The following FGD4 variants were observed in gnomAD, a reference collection of about 807,000 sequenced individuals.
The protein encoded by FGD4 is FYVE, RhoGEF and PH domain-containing protein 4.
A neutral mutation model predicts 102.0 loss-of-function variants in FGD4; 42 were observed. That is an observed-to-expected ratio of 0.41 (90% CI 0.32 to 0.53). The LOEUF is 0.53. Among genes scored for constraint, FGD4 ranks in the 20% least tolerant of loss-of-function variants. The pLI, the probability that FGD4 is intolerant of heterozygous loss-of-function variation, is 0.21. For missense variants in FGD4, 902 were observed against 1,078.2 expected, an observed-to-expected ratio of 0.84 and a Z score of 2.29; for synonymous variants, 380 against 375.7, an observed-to-expected ratio of 1.01 and a Z score of -0.13.
At chr12:32,442,710 C>CCACACCCAGCTAATTTTTT (rs1183598250) in intron 1 of FGD4, among the ~76,000 whole-genome samples, 1 of 152,038 alleles carries the variant, frequency 6.6e-6, no homozygotes, top group African/African-American at 2.4e-5. Context: ...AGGCACACCA[C>CCACACCCAGCTAATTTTTT]CACACCCAGC....
intron 16 of FGD4, 43 bp downstream of exon 16, chr12:32,638,838 G>T: frequency 6.2e-7 from 1 of 1,613,084 alleles, no homozygotes; most frequent in East Asian, 2.2e-5. Flanking sequence ...TGCCCTTGGG[G>T]GCAAGGGGAA....
Position 32,638,640 on chromosome 12 carries a change from A to G in FGD4, c.2314-15A>G, listed in dbSNP as rs1383781540. ...TGTTGTGTGTTCATTCTGTCTTTCCATTATATTTTTCTAGATTGAATCAGC... is the reference window on the plus strand; with the variant it reads ...TGTTGTGTGTTCATTCTGTCTTTCCGTTATATTTTTCTAGATTGAATCAGC... On this transcript the variant is annotated splice_polypyrimidine_tract_variant and intron_variant, in intron 15 of 16. Transcript: ENST00000534526. 6.2e-7 allele frequency: 1 copy of G among 1,614,042 alleles called. No homozygotes were observed. The highest frequency in any genetic ancestry group is 1.3e-5 in the African/African-American group (1 of 75,028).
chr12:32,477,580 T>C (rs1016877832), intron 1 of FGD4: 1 of 152,218 alleles, frequency 6.6e-6, no homozygotes, highest in African/African-American at 2.4e-5. Flanking sequence ...TCAAAGTTTG[T>C]GTGTGACAGG....
In FGD4 at chr12:32,415,969, GGCAACA is replaced by G. The variant is rs559522065; in HGVS notation, c.166+16013_166+16018del. Among the ~76,000 whole-genome samples the G allele has an allele frequency of 2.1e-3, 323 of 151,782 alleles. 3 individuals carry two copies. Among genetic ancestry groups the G allele is most frequent in the Non-Finnish European group, 3.3e-3 (222 of 67,954 alleles). On this transcript the variant is annotated intron_variant, in intron 1 of 16. Coordinates refer to ENST00000534526, the MANE Select transcript of FGD4 (RefSeq NM_001370298.3). ...TTATAAATGAAGTGTGTTTCTTTTA[GGCAACA>G]GCTCATTGGGCCTTGCATTTTTATC... is the stretch of plus-strand genomic sequence containing the variant.
At chr12:32,622,495 CT>C (rs1949904355) in intron 11 of FGD4, among the ~76,000 whole-genome samples, 1 of 152,194 alleles carries the variant, frequency 6.6e-6, no homozygotes, top group Non-Finnish European at 1.5e-5. Flanking sequence ...GTTATTCTGT[CT>C]AAAATTTCTT....
At chr12:32,579,037 T>TG (rs1189358419) in intron 3 of FGD4, among the ~76,000 whole-genome samples, 8 of 127,444 alleles carry the variant, frequency 6.3e-5, no homozygotes, top group South Asian at 2.5e-4. Context: ...TGAACATTAG[T>TG]GGTTTTTTTT....
At position 32,625,036 on chromosome 12, in the gene FGD4, G is replaced by T; in HGVS notation, c.2014G>T (p.Ala672Ser). The T allele has an allele frequency of 6.2e-7, 1 of 1,613,102 alleles. No homozygotes were observed. The highest frequency in any genetic ancestry group is 1.7e-4 in the Middle Eastern group (1 of 6,056). ...QRHETFRNAI[A>S]KDNDIHSEVS... Reference sequence around the variant, plus strand: ...GCATGAAACCTTCAGAAATGCAATTGCAAAGGATAATGACATTCACTCAGA... The same window carrying T: ...GCATGAAACCTTCAGAAATGCAATTTCAAAGGATAATGACATTCACTCAGA... Residue 672 changes from alanine (A) to serine (S), a missense_variant, in exon 13 of 17, where the codon GCA (alanine) becomes TCA (serine). Transcript: ENST00000534526.
chr12:32,514,597 G>A (rs1362350225), intron 1 of FGD4, among the ~76,000 whole-genome samples: 1 of 151,926 alleles, frequency 6.6e-6, no homozygotes, highest in Non-Finnish European at 1.5e-5. Context: ...CTGCAGCCTC[G>A]AACTTCTGGG....
chr12:32,624,812 A>G (rs1950052113), intron 12 of FGD4, 164 bp from the exon 13 acceptor site: 9 of 682,134 alleles, frequency 1.3e-5, no homozygotes, highest in Non-Finnish European at 2.1e-5. Context: ...CTCTGTGTAT[A>G]CAAATGTGCA....
At chr12:32,409,167 C>T (rs1037701934) in intron 1 of FGD4, among the ~76,000 whole-genome samples, 2 of 152,138 alleles carry the variant, frequency 1.3e-5, no homozygotes, top group Admixed American at 6.5e-5. Context: ...GCTACCAGTT[C>T]TTATCAGTTT....
intron 1 of FGD4, among the ~76,000 whole-genome samples, chr12:32,535,917 G>A (rs1228498010): frequency 6.6e-6 from 1 of 152,164 alleles, no homozygotes; most frequent in Non-Finnish European, 1.5e-5. Context: ...GCACCCTTTA[G>A]AGAGTGGCCA....
chr12:32,602,233 G>C lies in FGD4; in HGVS notation c.1320G>C (p.Val440=), dbSNP rs1565894050. ...TCCTTAAGATGTATGGAGAATATGT[G>C]AAAGGATTTGATAATGCAATGGAAT... The part of the protein sequence containing the change: ...APFLKMYGEY[V]KGFDNAMELV... The change falls in exon 7 of 17, where the codon GTG becomes GTC. Residue 440 remains valine (V), a synonymous_variant. Coordinates refer to ENST00000534526, the MANE Select transcript of FGD4 (RefSeq NM_001370298.3). The C allele has an allele frequency of 1.2e-6, 2 of 1,614,132 alleles. No homozygotes were observed. The highest frequency in any genetic ancestry group is 1.7e-6 in the Non-Finnish European group (2 of 1,179,990).
intron 3 of FGD4, 41 bp downstream of exon 3, chr12:32,576,490 A>C: frequency 6.2e-7 from 1 of 1,611,394 alleles, no homozygotes; most frequent in Non-Finnish European, 8.5e-7. Flanking sequence ...GGAGAAGAAG[A>C]AAGCTGATTT....
intron 1 of FGD4, among the ~76,000 whole-genome samples, chr12:32,524,412 A>T (rs776730353): frequency 0.02 from 2,964 of 151,208 alleles, 69 homozygotes; most frequent in South Asian, 0.072. Flanking sequence ...AAAAAAAAAA[A>T]AAAAGATAAA....
chr12:32,628,795 A>T (rs1439661815), intron 14 of FGD4, among the ~76,000 whole-genome samples: 1 of 152,188 alleles, frequency 6.6e-6, no homozygotes, highest in Non-Finnish European at 1.5e-5. Context: ...AAAAAAAATT[A>T]TGTAAAGAGC....
At chr12:32,493,493 C>A (rs1284830251) in intron 1 of FGD4, among the ~76,000 whole-genome samples, 1 of 152,214 alleles carries the variant, frequency 6.6e-6, no homozygotes, top group African/African-American at 2.4e-5. Context: ...AGCATTCTTG[C>A]TGCTTGACCT....
At chr12:32,621,996 T>C (rs1031343808) in intron 11 of FGD4, among the ~76,000 whole-genome samples, 3 of 152,150 alleles carry the variant, frequency 2.0e-5, no homozygotes, top group Non-Finnish European at 4.4e-5. Context: ...CAAGCGATTT[T>C]TGTGCCTCAG....
intron 1 of FGD4, among the ~76,000 whole-genome samples, chr12:32,431,770 C>CT (rs1942053324): frequency 6.8e-6 from 1 of 148,110 alleles, no homozygotes; most frequent in African/African-American, 2.5e-5. Context: ...AAGATTCTGT[C>CT]TTAAAAAAAA....
chr12:32,608,049 T>C lies in FGD4; in HGVS notation c.1497T>C (p.Tyr499=), dbSNP rs1948898437. ...GGTATGAGATGCTCCTTAAGGACTATCTAAGGAAATTGCCTCCTGATTCCC... is the reference window on the plus strand; with the variant it reads ...GGTATGAGATGCTCCTTAAGGACTACCTAAGGAAATTGCCTCCTGATTCCC... ...IPRYEMLLKD[Y]LRKLPPDSLD... Residue 499 remains tyrosine, a synonymous_variant, in exon 8 of 17, where the codon TAT becomes TAC. Transcript: ENST00000534526. 1 of 1,614,210 alleles carries C rather than the reference T, an allele frequency of 6.2e-7. No homozygotes were observed.
Sources: allele counts gnomAD v4.1 joint callset (sites outside exome capture counted in the v4.1 genomes callset), GRCh38; gene constraint gnomAD v4.1.1; transcripts MANE v1.5; gene names NCBI Gene and HGNC (gene_info 2026-07-23, HGNC 2026-07-21).